The following SMCO2 variants were observed in gnomAD, a reference collection of about 807,000 sequenced individuals.
The protein encoded by SMCO2 is single-pass membrane protein with coiled-coil domains 2.
SMCO2 carries 25 observed loss-of-function variants against 29.5 expected under a neutral mutation model. That is an observed-to-expected ratio of 0.85 (90% CI 0.62 to 1.18). The LOEUF is 1.18. Ranked by LOEUF, SMCO2 falls within the 50% of genes most tolerant of loss-of-function variation. The pLI is 0.00. For synonymous variants in SMCO2, 117 were observed against 123.3 expected (o/e 0.95, Z 0.34); for missense variants, 348 against 344.5 (o/e 1.01, Z -0.08).
chr12:27,502,044 T>G, exon 8 of SMCO2: 1 of 1,548,250 alleles, frequency 6.5e-7, no homozygotes, highest in Non-Finnish European at 8.7e-7. Context: ...AATGCTTGGG[T>G]GCCGCACCAC....
At chr12:27,494,771 C>G (rs1350593440) in intron 6 of SMCO2, among the ~76,000 whole-genome samples, 3 of 151,964 alleles carry the variant, frequency 2.0e-5, no homozygotes, top group Non-Finnish European at 4.4e-5. Context: ...GTTTTCTGTT[C>G]CTGTGTTAGT....
chr12:27,458,926 G>T, the SMCO2 span, among the ~76,000 whole-genome samples: 2 of 148,404 alleles, frequency 1.3e-5, no homozygotes, highest in East Asian at 2.0e-4. Flanking sequence ...GGTGGCTCAC[G>T]CCTGTAATCC....
At chr12:27,476,200 T>C (rs1949584771) in intron 4 of SMCO2, among the ~76,000 whole-genome samples, 1 of 152,248 alleles carries the variant, frequency 6.6e-6, no homozygotes, top group South Asian at 2.1e-4. Flanking sequence ...TTTCTAGTTT[T>C]ATTCCAGTGT....
At chr12:27,495,776 A>G in exon 7 of SMCO2, 1 of 1,541,332 alleles carries the variant, frequency 6.5e-7, no homozygotes. Context: ...GGAAATAGAT[A>G]CGGAAGAGAT....
At chr12:27,432,221 C>T in the SMCO2 span, among the ~76,000 whole-genome samples, 1 of 152,128 alleles carries the variant, frequency 6.6e-6, no homozygotes, top group Non-Finnish European at 1.5e-5. Flanking sequence ...TGTTTTTTCA[C>T]TCCACTTATT....
the SMCO2 span, chr12:27,424,412 ATATGG>A: frequency 3.3e-5 from 5 of 152,382 alleles, no homozygotes; most frequent in East Asian, 9.6e-4. Flanking sequence ...GAAATGAGTT[ATATGG>A]TCATCACTAA....
At chr12:27,457,101 T>G in the SMCO2 span, among the ~76,000 whole-genome samples, 1 of 152,086 alleles carries the variant, frequency 6.6e-6, no homozygotes, top group Non-Finnish European at 1.5e-5. Flanking sequence ...GCCAAAACGG[T>G]TGGGGACCAC....
At chr12:27,448,401 T>C in the SMCO2 span, among the ~76,000 whole-genome samples, 2 of 152,232 alleles carry the variant, frequency 1.3e-5, no homozygotes, top group African/African-American at 4.8e-5. Flanking sequence ...AGAATACTAC[T>C]TGTTGAAATA....
At chr12:27,430,631 C>G in the SMCO2 span, among the ~76,000 whole-genome samples, 1 of 152,154 alleles carries the variant, frequency 6.6e-6, no homozygotes, top group Non-Finnish European at 1.5e-5. Context: ...ATGCTACAAT[C>G]TGAATTCTCT....
the SMCO2 span, among the ~76,000 whole-genome samples, chr12:27,441,438 T>C: frequency 1.1e-4 from 16 of 152,106 alleles, no homozygotes; most frequent in African/African-American, 3.9e-4. Context: ...CTAACTATAC[T>C]TATATCAGAT....
chr12:27,472,633 G>T, intron 2 of SMCO2, 143 bp from the exon 3 acceptor site: 2 of 540,594 alleles, frequency 3.7e-6, no homozygotes, highest in Non-Finnish European at 3.3e-6. Context: ...TATTCACCCA[G>T]AAAGAACTCA....
the SMCO2 span, among the ~76,000 whole-genome samples, chr12:27,450,467 A>T: frequency 6.6e-6 from 1 of 152,186 alleles, no homozygotes; most frequent in Non-Finnish European, 1.5e-5. Flanking sequence ...ATCCAACACT[A>T]GTAAGGCTAG....
chr12:27,497,426 TCC>T (rs1943019814), intron 7 of SMCO2: 1 of 221,128 alleles, frequency 4.5e-6, no homozygotes, highest in African/African-American at 2.4e-5. Flanking sequence ...CCCAGGATGT[TCC>T]ATACCATTAA....
intron 5 of SMCO2, among the ~76,000 whole-genome samples, chr12:27,489,278 G>A (rs1258448907): frequency 6.6e-6 from 1 of 152,056 alleles, no homozygotes; most frequent in Non-Finnish European, 1.5e-5. Flanking sequence ...CGAACTCCTG[G>A]TCTCAAGGAA....
At chr12:27,464,021 C>T (rs115355909), upstream of SMCO2, among the ~76,000 whole-genome samples, 1,056 of 152,242 alleles carry the variant, frequency 6.9e-3, 5 homozygotes, top group Middle Eastern at 0.031. Flanking sequence ...TGGGAGCTCC[C>T]AGTGGAATCC....
the SMCO2 span, among the ~76,000 whole-genome samples, chr12:27,444,509 G>A: frequency 1.3e-5 from 2 of 152,128 alleles, no homozygotes; most frequent in African/African-American, 2.4e-5. Context: ...ATTACATCCA[G>A]CTAAAGAGCT....
At chr12:27,425,024 A>G in the SMCO2 span, 1 of 152,222 alleles carries the variant, frequency 6.6e-6, no homozygotes, top group Non-Finnish European at 1.5e-5. Context: ...TGCCAATAAA[A>G]ACTGACCTGG....
the SMCO2 span, among the ~76,000 whole-genome samples, chr12:27,434,378 A>AT: frequency 6.6e-6 from 1 of 152,164 alleles, no homozygotes; most frequent in Admixed American, 6.5e-5. Context: ...AGCTTGGTCC[A>AT]TTTTATCTAG....
intron 7 of SMCO2, 34 bp from the exon 9 acceptor site, chr12:27,501,889 A>G: frequency 1.4e-6 from 2 of 1,434,000 alleles, no homozygotes; most frequent in Non-Finnish European, 1.8e-6. Context: ...TATTTTCAGA[A>G]TTTGGTTAAC....
Sources: allele counts gnomAD v4.1 joint callset (sites outside exome capture counted in the v4.1 genomes callset), GRCh38; gene constraint gnomAD v4.1.1; transcripts MANE v1.5; gene names NCBI Gene and HGNC (gene_info 2026-07-23, HGNC 2026-07-21).